Variants in ZNF483 observed in about 807,000 individuals in gnomAD.
ZNF483 encodes zinc finger protein HIT-10.
ZNF483 carries 9 observed loss-of-function variants against 28.6 expected under a neutral mutation model. The observed-to-expected ratio is 0.32, with a 90% CI of 0.19 to 0.55. The LOEUF (loss-of-function observed/expected upper bound fraction) is 0.55. Among genes scored for constraint, ZNF483 ranks in the 20% least tolerant of loss-of-function variants. ZNF483 has a pLI of 0.93. For missense variants in ZNF483, 675 were observed against 871.7 expected, an observed-to-expected ratio of 0.77 and a Z score of 2.84; for synonymous variants, 322 against 306.2, an observed-to-expected ratio of 1.05 and a Z score of -0.54.
At chr9:111,540,021 A>C (rs1455960636) in intron 5 of ZNF483, among the ~76,000 whole-genome samples, 3 of 152,044 alleles carry the variant, frequency 2.0e-5, no homozygotes, top group Non-Finnish European at 4.4e-5. Flanking sequence ...GGTTCCAGCT[A>C]CTTGGAAGGC....
At chr9:111,532,507 C>A (rs1827373933) in intron 3 of ZNF483, among the ~76,000 whole-genome samples, 1 of 152,042 alleles carries the variant, frequency 6.6e-6, no homozygotes. Context: ...CTGTGGCAGC[C>A]ACCAGAAGCA....
chr9:111,557,018 C>T (rs532876558), downstream of ZNF483, among the ~76,000 whole-genome samples: 30 of 152,312 alleles, frequency 2.0e-4, no homozygotes, highest in African/African-American at 7.0e-4. Context: ...TCTCCTAGGC[C>T]TCCAGGCCTT....
chr9:111,556,831 G>C (rs972870844), downstream of ZNF483, among the ~76,000 whole-genome samples: 8 of 152,292 alleles, frequency 5.3e-5, no homozygotes, highest in African/African-American at 1.9e-4. Flanking sequence ...AGTTTCCTGA[G>C]GCCCCCCAGC....
At chr9:111,532,992 A>G (rs1451133345) in intron 3 of ZNF483, among the ~76,000 whole-genome samples, 2 of 152,246 alleles carry the variant, frequency 1.3e-5, no homozygotes, top group African/African-American at 2.4e-5. Flanking sequence ...TGCAAGTGTC[A>G]GTATGTTGTT....
At position 111,542,559 on chromosome 9, in the gene ZNF483, C is replaced by A. The variant is rs1001451140; in HGVS notation, c.1624C>A (p.Gln542Lys). Residue 542 changes from glutamine (Q) to lysine (K), a missense_variant, in exon 6 of 6, where the codon CAG becomes AAG. By Grantham distance (53) the Gln-to-Lys change is moderately conservative. Coordinates refer to ENST00000309235, the MANE Select transcript of ZNF483 (RefSeq NM_133464.5). The surrounding 1 kb of genome is among the most constrained non-coding windows in gnomAD (Gnocchi z 6.2). Reference protein sequence around the residue: ...FSDSSSLIQHQRIHTGEKPYT... With the variant: ...FSDSSSLIQHKRIHTGEKPYT... ...TGACAGTTCATCTCTTATTCAACAT[C>A]AGCGAATTCATACTGGAGAAAAACC... 1 of 1,614,112 alleles carries A rather than the reference C, an allele frequency of 6.2e-7. No individual in the cohort carries two copies. The highest frequency in any genetic ancestry group is 8.5e-7 in the Non-Finnish European group (1 of 1,180,018).
intron 5 of ZNF483, among the ~76,000 whole-genome samples, chr9:111,538,113 C>T: frequency 6.7e-6 from 1 of 150,168 alleles, no homozygotes; most frequent in South Asian, 2.1e-4. Context: ...ACATGACATA[C>T]ATTTTTGGGG....
chr9:111,576,633 GT>G, exon 6 of ZNF483: 2 of 514,238 alleles, frequency 3.9e-6, no homozygotes, highest in Non-Finnish European at 6.8e-6. Context: ...AGGATGAGTT[GT>G]TTTAAGGATT....
chr9:111,569,956 T>C, intron 5 of ZNF483: 1 of 1,390,366 alleles, frequency 7.2e-7, no homozygotes, highest in East Asian at 2.5e-5. Flanking sequence ...ATTTATACTC[T>C]AAGCACAATG....
intron 5 of ZNF483, among the ~76,000 whole-genome samples, chr9:111,569,049 G>A (rs542969301): frequency 9.2e-5 from 14 of 152,332 alleles, no homozygotes; most frequent in African/African-American, 3.4e-4. Context: ...AGTAAAGTCT[G>A]AATATGGAGC....
chr9:111,540,671 C>T (rs1182289674), intron 5 of ZNF483, among the ~76,000 whole-genome samples: 1 of 152,190 alleles, frequency 6.6e-6, no homozygotes, highest in Non-Finnish European at 1.5e-5. Flanking sequence ...ATAGGGCCAG[C>T]TGTGGTAATC....
Position 111,543,292 on chromosome 9 carries a change from A to C in ZNF483, c.*122A>C. On this transcript the variant is annotated 3_prime_UTR_variant, in exon 6 of 6. Transcript: ENST00000309235. ...TTTCGTAAATTGGCAGTTAGGAAAA[A>C]TATCCTTTTGCCCATTCATCCCTCT... 6.9e-7 allele frequency: 1 copy of C among 1,439,192 alleles called. No homozygotes were observed. The allele number at this position is 1,439,192 out of a possible 1,614,324, so 89.2% of individuals were successfully genotyped here.
intron 2 of ZNF483, among the ~76,000 whole-genome samples, chr9:111,528,710 T>C (rs1282403342): frequency 1.3e-5 from 2 of 152,168 alleles, no homozygotes; most frequent in Non-Finnish European, 2.9e-5. Flanking sequence ...ATAAATAGTA[T>C]TTACCTCCAT....
intron 5 of ZNF483, among the ~76,000 whole-genome samples, chr9:111,538,870 G>C (rs2132248155): frequency 6.6e-6 from 1 of 152,116 alleles, no homozygotes; most frequent in Non-Finnish European, 1.5e-5. Context: ...CCAGCACTTT[G>C]GGAAGCCGAG....
chr9:111,549,917 G>C lies in ZNF483; in HGVS notation c.*6747G>C, dbSNP rs1313747274. ...TGTCCATTTTTTGTTGGTTTATTTT[G>C]TGCCTTTGAATGGTCAATACTTGTT... On this transcript the variant is annotated 3_prime_UTR_variant, in exon 6 of 6. Transcript: ENST00000309235. 3.0e-6 allele frequency: 2 copies of C among 667,534 alleles called. No homozygotes were observed. The highest frequency in any genetic ancestry group is 1.9e-5 in the African/African-American group (1 of 53,758). The allele number at this position is 667,534 out of a possible 1,614,324, so 41.4% of individuals were successfully genotyped here. A position where few individuals can be genotyped will look rare whatever the true frequency, so the allele number is the denominator to read the frequency against.
intron 5 of ZNF483, among the ~76,000 whole-genome samples, chr9:111,540,342 A>G (rs1337444823): frequency 1.3e-5 from 2 of 152,204 alleles, no homozygotes; most frequent in Non-Finnish European, 2.9e-5. Context: ...GTAATTTTGT[A>G]TTTTATAATT....
At chr9:111,574,298 T>C (rs1238051569) in intron 5 of ZNF483, 1 of 152,212 alleles carries the variant, frequency 6.6e-6, no homozygotes, top group Non-Finnish European at 1.5e-5. Context: ...TATAAGCTGA[T>C]TTAGCACAAA....
chr9:111,540,337 T>C (rs1827642963), intron 5 of ZNF483, among the ~76,000 whole-genome samples: 1 of 152,166 alleles, frequency 6.6e-6, no homozygotes, highest in Non-Finnish European at 1.5e-5. Flanking sequence ...TTTGAGTAAT[T>C]TTGTATTTTA....
intron 5 of ZNF483, among the ~76,000 whole-genome samples, chr9:111,567,273 C>T (rs749287033): frequency 7.9e-5 from 12 of 152,210 alleles, no homozygotes; most frequent in South Asian, 2.1e-4. Flanking sequence ...CTGCAACCTC[C>T]GCCTCCCAGG....
rs1828005874 is a variant in ZNF483 at position 111,552,727 on chromosome 9, A to G, written c.*9557A>G. Reference sequence around the variant, plus strand: ...CTTTGGGCAGTGTCTTGTATCAAACAGTTCATCTAAGGCTAAAGAAAAATA... The same window carrying G: ...CTTTGGGCAGTGTCTTGTATCAAACGGTTCATCTAAGGCTAAAGAAAAATA... On this transcript the variant is annotated 3_prime_UTR_variant, in exon 6 of 6. Coordinates refer to ENST00000309235, the MANE Select transcript of ZNF483 (RefSeq NM_133464.5). 1.3e-5 allele frequency among the ~76,000 whole-genome samples: 2 copies of G among 152,214 alleles called. No individual in the cohort carries two copies. The highest frequency in any genetic ancestry group is 4.1e-4 in the South Asian group (2 of 4,832).
Sources: gnomAD v4.1 joint callset for allele counts (sites outside exome capture counted in the v4.1 genomes callset) on GRCh38, gnomAD v4.1.1 for gene constraint, Gnocchi (gnomAD v3.1) non-coding constraint, MANE v1.5 for transcripts, NCBI Gene and HGNC (gene_info 2026-07-23, HGNC 2026-07-21) for gene names.